ADGRL3: variants seen among roughly 807,000 people sequenced by gnomAD.
The protein encoded by ADGRL3 is adhesion G protein-coupled receptor L3.
A neutral mutation model predicts 153.5 loss-of-function variants in ADGRL3; 62 were observed. That is an observed-to-expected ratio of 0.40 (90% CI 0.33 to 0.50). ADGRL3 has a LOEUF of 0.50. Ranked by LOEUF, ADGRL3 falls within the 20% of genes least tolerant of loss-of-function variation. The pLI is 0.47. For synonymous variants in ADGRL3, 710 were observed against 672.5 expected (o/e 1.06, Z -0.86); for missense variants, 1,641 against 1,859.4 (o/e 0.88, Z 2.16).
chr4:61,905,129 A>C (rs112972061), intron 11 of ADGRL3, among the ~76,000 whole-genome samples: 2,782 of 152,292 alleles, frequency 0.018, 91 homozygotes, highest in African/African-American at 0.059. Context: ...TAATTAAAAT[A>C]ATGTCCCTTT....
rs180866092 is a variant in ADGRL3, at chr4:61,980,418, C to T, written c.3015+646C>T. Among the ~76,000 whole-genome samples the T allele has an allele frequency of 7.5e-5, 11 of 145,800 alleles. No individual in the cohort carries two copies. In the Admixed American group the frequency reaches 7.8e-4, roughly 10 times the overall value. ...CTTTTCCAGATTGGCATCTCTCTGTCTCTTTCTTTCTTTCTTTGTTTTTCT... is the reference window on the plus strand; with the variant it reads ...CTTTTCCAGATTGGCATCTCTCTGTTTCTTTCTTTCTTTCTTTGTTTTTCT... On this transcript the variant is annotated intron_variant, in intron 18 of 26. Transcript: ENST00000683033.
chr4:61,467,308 C>T lies in ADGRL3; in HGVS notation c.-173-29813C>T, dbSNP rs77803918. On this transcript the variant is annotated intron_variant, in intron 2 of 26. Coordinates refer to ENST00000683033, the MANE Select transcript of ADGRL3 (RefSeq NM_001387552.1). The stretch of plus-strand genomic sequence containing the variant: ...TCCTTAAAGCACGTGATAATATTAC[C>T]GTTCCACTTGACATTCACGTTCTAT... 1.3e-3 allele frequency among the ~76,000 whole-genome samples: 204 copies of T among 152,160 alleles called. 1 individual carries two copies. In the East Asian group the frequency reaches 0.031, roughly 23 times the overall value.
At chr4:61,874,787 CTCTTTTTTTTTTTTT>C (rs1442357816) in intron 9 of ADGRL3, among the ~76,000 whole-genome samples, 2 of 88,618 alleles carry the variant, frequency 2.3e-5, no homozygotes, top group Admixed American at 1.4e-4. Context: ...CATCAAAATG[CTCTTTTTTTTTTTTT>C]TTTTTTTTTT....
intron 23 of ADGRL3, among the ~76,000 whole-genome samples, chr4:62,036,365 C>T (rs1451330165): frequency 2.0e-5 from 3 of 151,986 alleles, no homozygotes; most frequent in African/African-American, 4.8e-5. Flanking sequence ...CCCCAAGAAG[C>T]CGTTCTTGGC....
At chr4:61,544,013 G>C (rs1253676373) in intron 4 of ADGRL3, among the ~76,000 whole-genome samples, 5 of 152,130 alleles carry the variant, frequency 3.3e-5, no homozygotes. Context: ...GAACTACTTA[G>C]GATGCTTCTA....
intron 8 of ADGRL3, among the ~76,000 whole-genome samples, chr4:61,787,607 G>T (rs1839613): frequency 6.6e-6 from 1 of 152,136 alleles, no homozygotes; most frequent in East Asian, 1.9e-4. Flanking sequence ...ATGTTTTTCC[G>T]CTAGTTTATC....
intron 9 of ADGRL3, among the ~76,000 whole-genome samples, chr4:61,834,027 CA>C (rs1387781152): frequency 1.0e-4 from 15 of 147,260 alleles, no homozygotes; most frequent in African/African-American, 3.5e-4. Flanking sequence ...AGGCTAGTTA[CA>C]TATGTATACA....
intron 13 of ADGRL3, among the ~76,000 whole-genome samples, chr4:61,919,625 A>G (rs563459567): frequency 8.5e-5 from 13 of 152,342 alleles, no homozygotes; most frequent in African/African-American, 2.9e-4. Flanking sequence ...GAGTAAAATC[A>G]TATGTAATGT....
At chr4:61,982,313 T>C (rs2099071179) in intron 18 of ADGRL3, among the ~76,000 whole-genome samples, 1 of 152,214 alleles carries the variant, frequency 6.6e-6, no homozygotes, top group Non-Finnish European at 1.5e-5. Context: ...GTCTTTACTC[T>C]CCTTGCTAGC....
chr4:61,560,221 G>A (rs2098788938), intron 4 of ADGRL3, among the ~76,000 whole-genome samples: 2 of 152,024 alleles, frequency 1.3e-5, no homozygotes, highest in Admixed American at 6.6e-5. Flanking sequence ...TGCTGAGTAT[G>A]CCTTTATTGT....
intron 1 of ADGRL3, among the ~76,000 whole-genome samples, chr4:61,205,315 A>G (rs1736599868): frequency 6.6e-6 from 1 of 152,198 alleles, no homozygotes; most frequent in African/African-American, 2.4e-5. Context: ...AGAAATCAGC[A>G]AGGAAAACTG....
chr4:61,707,872 A>G (rs941733220), intron 6 of ADGRL3, among the ~76,000 whole-genome samples: 2 of 152,144 alleles, frequency 1.3e-5, no homozygotes, highest in Non-Finnish European at 2.9e-5. Flanking sequence ...ACAAGACTCC[A>G]TTAGAGACAT....
chr4:61,848,683 T>C (rs1052071082), intron 9 of ADGRL3, among the ~76,000 whole-genome samples: 1 of 152,164 alleles, frequency 6.6e-6, no homozygotes, highest in African/African-American at 2.4e-5. Context: ...TATTGTCTAA[T>C]TCTGGTAATA....
At chr4:61,844,575 A>AAAAAAAATATATATATAT (rs1554045137) in intron 9 of ADGRL3, among the ~76,000 whole-genome samples, 1 of 18,092 alleles carries the variant, frequency 5.5e-5, no homozygotes, top group African/African-American at 2.6e-4. Context: ...AAAAAAAAAA[A>AAAAAAAATATATATATAT]ATATATATAT....
intron 1 of ADGRL3, among the ~76,000 whole-genome samples, chr4:61,260,635 C>G (rs2149578604): frequency 6.6e-6 from 1 of 152,244 alleles, no homozygotes; most frequent in South Asian, 2.1e-4. Context: ...GAATATGCAT[C>G]AATACATAGA....
At chr4:61,283,667 A>T (rs1047271789) in intron 1 of ADGRL3, among the ~76,000 whole-genome samples, 2 of 151,956 alleles carry the variant, frequency 1.3e-5, no homozygotes, top group Admixed American at 1.3e-4. Flanking sequence ...ACTTTATTCA[A>T]GTTCAAGGAT....
chr4:61,339,811 C>T (rs985168531), intron 1 of ADGRL3, among the ~76,000 whole-genome samples: 1 of 152,002 alleles, frequency 6.6e-6, no homozygotes, highest in African/African-American at 2.4e-5. Flanking sequence ...GTGATGGAGC[C>T]CAAGGGTACA....
At chr4:61,249,347 C>T (rs1235632411) in intron 1 of ADGRL3, among the ~76,000 whole-genome samples, 1 of 152,096 alleles carries the variant, frequency 6.6e-6, no homozygotes. Flanking sequence ...ATTTCTCTGT[C>T]TTGGAAAAAG....
intron 2 of ADGRL3, among the ~76,000 whole-genome samples, chr4:61,494,179 C>T (rs1352791130): frequency 6.7e-6 from 1 of 150,206 alleles, no homozygotes; most frequent in Non-Finnish European, 1.5e-5. Context: ...ATTTAGTATA[C>T]ATGTTTGAGA....
Sources: gnomAD v4.1 joint callset for allele counts (sites outside exome capture counted in the v4.1 genomes callset) on GRCh38, gnomAD v4.1.1 for gene constraint, MANE v1.5 for transcripts, NCBI Gene and HGNC (gene_info 2026-07-23, HGNC 2026-07-21) for gene names.